Variants in FHDC1 observed in about 807,000 individuals in gnomAD.
FHDC1 encodes the protein FH2 domain containing 1.
Under a neutral mutation model 52.6 loss-of-function variants are expected in FHDC1, and 25 were observed. That is an observed-to-expected ratio of 0.48 (90% CI 0.35 to 0.66). The LOEUF is 0.66. FHDC1 is among the 30% of genes least tolerant of loss of function. FHDC1 has a pLI of 0.01. For missense variants in FHDC1, 1,459 were observed against 1,452.8 expected, an observed-to-expected ratio of 1.00 and a Z score of -0.07; for synonymous variants, 616 against 581.5, an observed-to-expected ratio of 1.06 and a Z score of -0.85.
rs1740670282 is a variant in FHDC1, at chr4:152,972,528, A to G, written c.1370A>G (p.Asn457Ser). Residue 457 changes from asparagine (N) to serine (S), a missense_variant, in exon 11 of 12, where the codon AAC becomes AGC. This residue lies in a region of FHDC1 where 513 missense variants were observed against 581.5 expected (regional missense o/e 0.88). Transcript: ENST00000511601. ...QIFRDFCTKF[N>S]KAVKDNHDRE... Reference sequence around the variant, plus strand: ...TTTAGAGATTTCTGTACCAAATTCAACAAAGCAGTTAAGGTACATCTGGCA... The same window carrying G: ...TTTAGAGATTTCTGTACCAAATTCAGCAAAGCAGTTAAGGTACATCTGGCA... 3.1e-6 allele frequency: 5 copies of G among 1,606,380 alleles called. No individual in the cohort carries two copies. The highest frequency in any genetic ancestry group is 1.3e-5 in the African/African-American group (1 of 74,348).
chr4:152,949,075 C>T (rs1739822131), intron 2 of FHDC1, among the ~76,000 whole-genome samples: 1 of 142,898 alleles, frequency 7.0e-6, no homozygotes, highest in African/African-American at 2.6e-5. Context: ...GGCAACAGAG[C>T]AAAACCTTGT....
chr4:152,929,828 T>C, the FHDC1 span, among the ~76,000 whole-genome samples: 4 of 152,280 alleles, frequency 2.6e-5, no homozygotes, highest in Middle Eastern at 6.8e-3. The surrounding 1 kb of genome is among the most constrained non-coding windows in gnomAD (Gnocchi z 4.1). Flanking sequence ...CTAGAAAATA[T>C]GTTCGAATCT....
At chr4:152,966,004 G>GT (rs553438871) in intron 9 of FHDC1, among the ~76,000 whole-genome samples, 34 of 152,316 alleles carry the variant, frequency 2.2e-4, no homozygotes, top group African/African-American at 7.5e-4. Flanking sequence ...GGTGTAAACA[G>GT]TTTATAATTC....
At chr4:152,943,704 A>T (rs2149937780) in intron 2 of FHDC1, 149 bp downstream of exon 2, 1 of 957,914 alleles carries the variant, frequency 1.0e-6, no homozygotes, top group East Asian at 2.6e-5. Flanking sequence ...CAGGGTCTTT[A>T]CGATGAGCTT....
At chr4:152,914,078 G>GT in the FHDC1 span, among the ~76,000 whole-genome samples, 13 of 152,310 alleles carry the variant, frequency 8.5e-5, no homozygotes, top group African/African-American at 3.1e-4. Flanking sequence ...CTATCCAGTT[G>GT]TAAGTAGGCT....
Position 152,953,535 on chromosome 4 carries a change from G to A in FHDC1, c.535G>A (p.Gly179Arg), listed in dbSNP as rs755744077. 6.2e-7 allele frequency: 1 copy of A among 1,612,028 alleles called. No homozygotes were observed. Among genetic ancestry groups the A allele is most frequent in the African/African-American group, 1.3e-5 (1 of 74,942 alleles). ...GGATGCAAAACGGAGCATGAACATT[G>A]GGATATTTCTTAAGCAATTTAAGAA... ...ILDAKRSMNI[G>R]IFLKQFKKSP... Residue 179 changes from glycine to arginine, a missense_variant, in exon 3 of 12, where the codon GGG becomes AGG. Around this residue, in one of 3 missense-constraint regions of FHDC1, gnomAD observed 513 missense variants for 581.5 expected, o/e 0.88. Transcript: ENST00000511601.
intron 3 of FHDC1, 40 bp from the exon 4 acceptor site, chr4:152,954,177 A>C (rs924465442): frequency 6.4e-7 from 1 of 1,564,336 alleles, no homozygotes; most frequent in Non-Finnish European, 8.8e-7. Flanking sequence ...TTGGCACTCC[A>C]GCAAACGTGA....
chr4:152,955,063 T>C (rs562039092), intron 4 of FHDC1, among the ~76,000 whole-genome samples: 2 of 152,226 alleles, frequency 1.3e-5, no homozygotes, highest in East Asian at 3.9e-4. Flanking sequence ...GACCTTTGCA[T>C]AGTATAAACC....
At chr4:152,955,006 A>G (rs1740040572) in intron 4 of FHDC1, among the ~76,000 whole-genome samples, 2 of 152,172 alleles carry the variant, frequency 1.3e-5, no homozygotes, top group South Asian at 4.1e-4. Flanking sequence ...AGCTCAATAA[A>G]TTCTCATCAT....
chr4:152,915,575 A>G, the FHDC1 span, among the ~76,000 whole-genome samples: 2 of 152,224 alleles, frequency 1.3e-5, no homozygotes, highest in Non-Finnish European at 2.9e-5. Context: ...TAATGTCAGG[A>G]TGTTACCTAA....
intron 1 of FHDC1, among the ~76,000 whole-genome samples, chr4:152,936,693 C>A (rs1739390159): frequency 6.6e-6 from 1 of 152,274 alleles, no homozygotes; most frequent in South Asian, 2.1e-4. Context: ...CGAGGACGCG[C>A]CGGTGTGGAC....
At chr4:152,954,433 TC>T in intron 4 of FHDC1, 114 bp downstream of exon 4, 2 of 746,462 alleles carry the variant, frequency 2.7e-6, no homozygotes, top group Non-Finnish European at 4.4e-6. Flanking sequence ...ACACCTGTAA[TC>T]CCAGCACTTT....
chr4:152,954,157 T>G (rs1740007946), intron 3 of FHDC1, 60 bp from the exon 4 acceptor site: 4 of 1,422,602 alleles, frequency 2.8e-6, no homozygotes, highest in Non-Finnish European at 4.0e-6. Context: ...TCCACTGGCT[T>G]GCACCTCTGT....
chr4:152,930,962 A>AACACACACACACACACAC, the FHDC1 span, among the ~76,000 whole-genome samples: 1 of 104,746 alleles, frequency 9.5e-6, no homozygotes, highest in Non-Finnish European at 2.0e-5. Context: ...TCCCCAGGGA[A>AACACACACACACACACAC]ACACACACAC....
chr4:152,940,538 C>A (rs1181280792), intron 1 of FHDC1, among the ~76,000 whole-genome samples: 1 of 152,140 alleles, frequency 6.6e-6, no homozygotes, highest in Admixed American at 6.5e-5. Flanking sequence ...GGTTGCATAA[C>A]CTTGGAGTAT....
Position 152,953,514 on chromosome 4 carries a change from G to A in FHDC1, c.514G>A (p.Ala172Thr), listed in dbSNP as rs61753649. The A allele has an allele frequency of 0.029, 46,851 of 1,611,124 alleles. 1,750 individuals are homozygous for A. Among genetic ancestry groups the A allele is most frequent in the East Asian group, 0.16 (7,393 of 44,830 alleles). The change falls in exon 3 of 12, where the codon GCA (alanine) becomes ACA (threonine). Residue 172 changes from alanine (A) to threonine (T), a missense_variant. By Grantham distance (58) the Ala-to-Thr change is moderately conservative. Coordinates refer to ENST00000511601, the MANE Select transcript of FHDC1 (RefSeq NM_001371116.1). The stretch of plus-strand genomic sequence containing the variant: ...TTTTTTCCAGATTACTATTTTGGAT[G>A]CAAAACGGAGCATGAACATTGGGAT... ...EAREEITILD[A>T]KRSMNIGIFL... is the part of the protein sequence containing the mutation.
Position 152,977,821 on chromosome 4 carries a change from C to T in FHDC1, c.*1098C>T, listed in dbSNP as rs1561219213. 6.6e-6 allele frequency: 1 copy of T among 152,192 alleles called. No individual in the cohort carries two copies. The highest frequency in any genetic ancestry group is 2.1e-4 in the South Asian group (1 of 4,834). 9.4% of individuals were successfully genotyped at this position (152,192 alleles called of 1,614,324 possible). On this transcript the variant is annotated 3_prime_UTR_variant, in exon 12 of 12. Transcript: ENST00000511601. ...CTGGCTTCAGAGTTTCACCTGCCCA[C>T]ACAGGGTCCGTTGCTGGCAACTGGA...
chr4:152,939,911 G>A (rs779896565), intron 1 of FHDC1, among the ~76,000 whole-genome samples: 1 of 152,206 alleles, frequency 6.6e-6, no homozygotes, highest in Non-Finnish European at 1.5e-5. Context: ...TCCAGACAGA[G>A]TGGGGGCTAA....
rs1258460560 is a variant in FHDC1 at position 152,967,999 on chromosome 4, G to A, written c.1120G>A (p.Glu374Lys). 11 of 1,613,392 alleles carry A rather than the reference G, an allele frequency of 6.8e-6. No individual in the cohort carries two copies. Among genetic ancestry groups the A allele is most frequent in the Non-Finnish European group, 1.7e-6 (2 of 1,179,784 alleles). The stretch of plus-strand genomic sequence containing the variant: ...TTTTAGATTATCTCTGGAGAACACG[G>A]AGGCAGAACTGCACTTGCTGTTTGT... ...KTARLSLENT[E>K]AELHLLFVRT... is the part of the protein sequence containing the mutation. Residue 374 changes from glutamate (E) to lysine (K), a missense_variant, in exon 10 of 12, where the codon GAG becomes AAG. Around this residue, in one of 3 missense-constraint regions of FHDC1, gnomAD observed 513 missense variants for 581.5 expected, o/e 0.88. Coordinates refer to ENST00000511601, the MANE Select transcript of FHDC1 (RefSeq NM_001371116.1).
Sources: gnomAD v4.1 joint callset for allele counts (sites outside exome capture counted in the v4.1 genomes callset) on GRCh38, gnomAD v4.1.1 for gene constraint, gnomAD v4.1.1 regional missense constraint, Gnocchi (gnomAD v3.1) non-coding constraint, MANE v1.5 for transcripts, NCBI Gene and HGNC (gene_info 2026-07-23, HGNC 2026-07-21) for gene names.